The following TFPI variants were observed in gnomAD, a reference collection of about 807,000 sequenced individuals.
The protein encoded by TFPI is anti-convertin.
A neutral mutation model predicts 34.6 loss-of-function variants in TFPI; 15 were observed. The ratio of observed to expected loss-of-function variants is 0.43; its 90% CI spans 0.29 to 0.67. TFPI has a LOEUF of 0.67. TFPI is among the 30% of genes least tolerant of loss of function. TFPI has a pLI of 0.15. For missense variants in TFPI, 301 were observed against 364.0 expected (o/e 0.83, Z 1.41); for synonymous variants, 105 against 120.1 (o/e 0.87, Z 0.82).
chr2:187,482,975 C>T (rs1272611090), intron 6 of TFPI, among the ~76,000 whole-genome samples: 1 of 152,004 alleles, frequency 6.6e-6, no homozygotes, highest in Admixed American at 6.6e-5. Flanking sequence ...TTCAAATCCT[C>T]CTTGTGATTT....
chr2:187,511,614 G>A (rs1686639746), intron 1 of TFPI, among the ~76,000 whole-genome samples: 1 of 152,140 alleles, frequency 6.6e-6, no homozygotes, highest in Non-Finnish European at 1.5e-5. Context: ...AAATAGACTG[G>A]CCAGCATTAG....
chr2:187,518,301 G>A (rs1209217516), intron 1 of TFPI: 1 of 152,170 alleles, frequency 6.6e-6, no homozygotes, highest in African/African-American at 2.4e-5. Flanking sequence ...TCCATGTTTA[G>A]TGCTCCTAGA....
At chr2:187,533,392 A>T (rs928983592) in intron 1 of TFPI, among the ~76,000 whole-genome samples, 1 of 152,194 alleles carries the variant, frequency 6.6e-6, no homozygotes, top group African/African-American at 2.4e-5. Flanking sequence ...TAGCTGTTCT[A>T]CAGCCTCCAC....
At position 187,496,971 on chromosome 2, in the gene TFPI, G is replaced by A. The variant is rs758230687; in HGVS notation, c.229C>T (p.Arg77Ter). 3.1e-6 allele frequency: 5 copies of A among 1,613,198 alleles called. No homozygotes were observed. The highest frequency in any genetic ancestry group is 4.2e-6 in the Non-Finnish European group (5 of 1,179,544). ...CCATATATAAATTCTTCGCACTGTCGAGTGAAAATATTGAAGAAAAATCTT... is the reference window on the plus strand; with the variant it reads ...CCATATATAAATTCTTCGCACTGTCAAGTGAAAATATTGAAGAAAAATCTT... The part of the protein sequence containing the change: ...MKRFFFNIFT[R>*]QCEEFIYGGC... Residue 77 changes from arginine (R) to a stop codon, truncating the protein, a stop_gained, in exon 3 of 8, where the codon CGA becomes TGA. Coordinates refer to ENST00000233156, the MANE Select transcript of TFPI (RefSeq NM_006287.6). LOFTEE classifies it high-confidence loss of function.
chr2:187,553,183 A>C (rs1188624533), intron 1 of TFPI, among the ~76,000 whole-genome samples: 1 of 143,278 alleles, frequency 7.0e-6, no homozygotes, highest in Non-Finnish European at 1.6e-5. Flanking sequence ...GTATCTCTCA[A>C]AATTGTCACA....
chr2:187,515,600 A>T (rs1429111754), intron 1 of TFPI: 1 of 152,218 alleles, frequency 6.6e-6, no homozygotes, highest in African/African-American at 2.4e-5. Context: ...CAGCCGAAGC[A>T]TGAGGAAACT....
intron 6 of TFPI, among the ~76,000 whole-genome samples, chr2:187,474,397 A>G (rs545541656): frequency 5.8e-4 from 88 of 152,282 alleles, no homozygotes; most frequent in African/African-American, 2.1e-3. Flanking sequence ...ATAACACAAA[A>G]AAGAGTATAG....
At chr2:187,524,458 TA>T (rs1217962217) in intron 1 of TFPI, among the ~76,000 whole-genome samples, 1 of 152,062 alleles carries the variant, frequency 6.6e-6, no homozygotes, top group African/African-American at 2.4e-5. Context: ...TCTCCACCAC[TA>T]AAATGTTTTC....
chr2:187,488,429 T>C (rs1189242382), intron 3 of TFPI, 54 bp from the exon 4 acceptor site: 4 of 1,194,296 alleles, frequency 3.3e-6, no homozygotes, highest in Middle Eastern at 2.0e-4. Context: ...AAAGTAATAC[T>C]ATGAATTTGA....
intron 1 of TFPI, among the ~76,000 whole-genome samples, chr2:187,528,592 C>T (rs138554665): frequency 7.2e-4 from 109 of 152,142 alleles, no homozygotes; most frequent in African/African-American, 2.5e-3. Context: ...ACTATAGGAA[C>T]GTTAAATTAC....
Position 187,520,510 on chromosome 2 carries a change from A to G in TFPI, c.-2-16740T>C, listed in dbSNP as rs539770466. 44 of 152,238 alleles carry G rather than the reference A, an allele frequency of 2.9e-4. 1 individual carries two copies. The South Asian group carries it at 7.3e-3, about 25-fold the overall frequency. The allele number at this position is 152,238 out of a possible 1,614,324, so 9.4% of individuals were successfully genotyped here. A position where few individuals can be genotyped will look rare whatever the true frequency, so the allele number is the denominator to read the frequency against. ...AACCAGTCCCGATGAGATGAGCCAG[A>G]TACCTCAGCTGGAAATGCAGAAATC... On this transcript the variant is annotated intron_variant, in intron 1 of 7. Coordinates refer to ENST00000233156, the MANE Select transcript of TFPI (RefSeq NM_006287.6).
chr2:187,471,962 C>G (rs988795708), intron 6 of TFPI, among the ~76,000 whole-genome samples: 1 of 151,716 alleles, frequency 6.6e-6, no homozygotes, highest in Non-Finnish European at 1.5e-5. Flanking sequence ...AATAACAAAT[C>G]TTTTTTAAAG....
At chr2:187,530,921 A>G (rs1053563531) in intron 1 of TFPI, among the ~76,000 whole-genome samples, 6 of 152,236 alleles carry the variant, frequency 3.9e-5, no homozygotes, top group African/African-American at 1.2e-4. Flanking sequence ...GGTATGAATA[A>G]AAGTGAATAT....
At chr2:187,513,310 A>T (rs1180655479) in intron 1 of TFPI, among the ~76,000 whole-genome samples, 1 of 152,212 alleles carries the variant, frequency 6.6e-6, no homozygotes, top group Non-Finnish European at 1.5e-5. Flanking sequence ...TAAAAGGTTA[A>T]AAAGAGTCTA....
intron 6 of TFPI, chr2:187,478,830 A>G (rs999637062): frequency 5.1e-6 from 8 of 1,581,298 alleles, no homozygotes; most frequent in South Asian, 4.4e-5. Context: ...TGATAAATAA[A>G]AAATGTGAGT....
At chr2:187,517,148 A>G (rs1359608874) in intron 1 of TFPI, 1 of 151,976 alleles carries the variant, frequency 6.6e-6, no homozygotes, top group Non-Finnish European at 1.5e-5. Context: ...AGCACCAAGC[A>G]CTTGTTTCTA....
chr2:187,552,769 A>G (rs982425006), intron 1 of TFPI, among the ~76,000 whole-genome samples: 7 of 152,148 alleles, frequency 4.6e-5, no homozygotes, highest in Admixed American at 2.6e-4. Context: ...GGAATCAAAT[A>G]GTAGTATATG....
At chr2:187,495,185 G>A (rs754639880) in intron 3 of TFPI, among the ~76,000 whole-genome samples, 2 of 152,164 alleles carry the variant, frequency 1.3e-5, no homozygotes, top group Non-Finnish European at 2.9e-5. Flanking sequence ...TTTGCACAAT[G>A]ATAAACCATA....
chr2:187,531,762 T>C (rs1013704245), intron 1 of TFPI, among the ~76,000 whole-genome samples: 2 of 152,152 alleles, frequency 1.3e-5, no homozygotes, highest in East Asian at 1.9e-4. Flanking sequence ...AAGTGATACA[T>C]TGACATGTCT....
Sources: allele counts gnomAD v4.1 joint callset (sites outside exome capture counted in the v4.1 genomes callset), GRCh38; gene constraint gnomAD v4.1.1; transcripts MANE v1.5; gene names NCBI Gene and HGNC (gene_info 2026-07-23, HGNC 2026-07-21).